Variants in SERPINB6 observed in about 807,000 individuals in gnomAD.
SERPINB6 encodes the protein serpin family B member 6, also known as serpin B6.
In SERPINB6, 16 loss-of-function variants were observed where a neutral mutation model predicts 26.1. That is an observed-to-expected ratio of 0.61 (90% CI 0.42 to 0.93). The LOEUF is 0.93. Ranked by LOEUF, SERPINB6 falls within the 40% of genes least tolerant of loss-of-function variation. The pLI is 0.00. For missense variants in SERPINB6, 420 were observed against 478.0 expected, an observed-to-expected ratio of 0.88 and a Z score of 1.13; for synonymous variants, 174 against 176.6, an observed-to-expected ratio of 0.99 and a Z score of 0.11.
rs1001274072 is a variant in SERPINB6, at chr6:2,948,224, C to G, written c.*74G>C. ...TGCCACCACTGCACGGATAAGGCCA[C>G]TTGGGTTGCAGGCACACTGTGGAGT... On this transcript the variant is annotated 3_prime_UTR_variant, in exon 7 of 7. Coordinates refer to ENST00000380539, the MANE Select transcript of SERPINB6 (RefSeq NM_004568.6). The surrounding 1 kb of genome is among the most constrained non-coding windows in gnomAD (Gnocchi z 5.0). 1 of 1,585,686 alleles carries G rather than the reference C, an allele frequency of 6.3e-7. No individual in the cohort carries two copies. The highest frequency in any genetic ancestry group is 8.6e-7 in the Non-Finnish European group (1 of 1,156,204).
intron 1 of SERPINB6, chr6:2,969,515 T>G (rs1472117172): frequency 3.0e-6 from 3 of 985,380 alleles, no homozygotes; most frequent in Non-Finnish European, 3.6e-6. Context: ...ATGTATTTTT[T>G]AAACAAGCCT....
chr6:2,960,428 GT>G (rs1770970733), intron 1 of SERPINB6: 2 of 152,374 alleles, frequency 1.3e-5, no homozygotes, highest in Admixed American at 1.3e-4. Flanking sequence ...CCCACAGGCA[GT>G]CAGGCTGGGA....
chr6:2,953,238 G>C (rs755035738), intron 4 of SERPINB6, 52 bp from the exon 5 acceptor site: 4 of 1,611,950 alleles, frequency 2.5e-6, no homozygotes, highest in African/African-American at 2.7e-5. Flanking sequence ...GCGGATCCCC[G>C]ACACATCAGG....
At chr6:2,970,641 CT>C in intron 1 of SERPINB6, 1 of 1,222,606 alleles carries the variant, frequency 8.2e-7, no homozygotes, top group Non-Finnish European at 1.0e-6. Context: ...CAGATGCCCC[CT>C]CGCATCTGAG....
At chr6:2,968,654 G>C (rs1384602118) in intron 1 of SERPINB6, 2 of 1,225,020 alleles carry the variant, frequency 1.6e-6, no homozygotes, top group Non-Finnish European at 2.0e-6. Flanking sequence ...TATGGTGGCT[G>C]GTGTTTGCTT....
intron 2 of SERPINB6, among the ~76,000 whole-genome samples, chr6:2,958,743 C>A (rs1200227030): frequency 6.6e-6 from 1 of 152,066 alleles, no homozygotes; most frequent in Non-Finnish European, 1.5e-5. Context: ...CAACAAATAA[C>A]CAGAACGCTA....
At position 2,953,004 on chromosome 6, in the gene SERPINB6, G is replaced by A. The variant is rs745907528; in HGVS notation, c.573+40C>T. 4 of 1,613,412 alleles carry A rather than the reference G, an allele frequency of 2.5e-6. No homozygotes were observed. The East Asian group carries it at 8.9e-5, about 36-fold the overall frequency. On this transcript the variant is annotated intron_variant, in intron 5 of 6. Coordinates refer to ENST00000380539, the MANE Select transcript of SERPINB6 (RefSeq NM_004568.6). ...GAGGCCCCGAGCCGGAGACGCTCGT[G>A]TGAACACAGGCGCTGCTCCTGTCAC...
In SERPINB6 at chr6:2,955,362, T is replaced by C. The variant is rs1770329662; in HGVS notation, c.312+162A>G. The C allele has an allele frequency of 9.9e-6, 8 of 804,314 alleles. No individual in the cohort carries two copies. The East Asian group carries it at 1.1e-4, about 11-fold the overall frequency. The allele number at this position is 804,314 out of a possible 1,614,324, so 49.8% of individuals were successfully genotyped here. A position where few individuals can be genotyped will look rare whatever the true frequency, so the allele number is the denominator to read the frequency against. The stretch of plus-strand genomic sequence containing the variant: ...AAAAGCGTGAAGTAGATCCACCTTA[T>C]TGAAATGCAGAGAATTTAAAACATA... On this transcript the variant is annotated intron_variant, in intron 3 of 6. Transcript: ENST00000380539.
intron 1 of SERPINB6, chr6:2,969,045 G>T (rs1224298666): frequency 4.3e-6 from 5 of 1,167,902 alleles, no homozygotes; most frequent in Non-Finnish European, 5.3e-6. Flanking sequence ...TTATCACTTC[G>T]CAATAATGCA....
At chr6:2,955,822 A>C (rs1581247973) in intron 2 of SERPINB6, 152 bp from the exon 3 acceptor site, 1 of 791,984 alleles carries the variant, frequency 1.3e-6, no homozygotes, top group East Asian at 2.8e-5. Flanking sequence ...CACGCCTATA[A>C]TCCCAGCACT....
Position 2,967,198 on chromosome 6 carries a change from C to G in SERPINB6, c.-11+4335G>C. 11 of 985,448 alleles carry G rather than the reference C, an allele frequency of 1.1e-5. No individual in the cohort carries two copies. The highest frequency in any genetic ancestry group is 1.3e-5 in the Non-Finnish European group (11 of 829,990). 61.0% of individuals were successfully genotyped at this position (985,448 alleles called of 1,614,324 possible). A position where few individuals can be genotyped will look rare whatever the true frequency, so the allele number is the denominator to read the frequency against. Reference sequence around the variant, plus strand: ...AGTTGGAGGGATCTGTTAACCTGCCCAGGGCACAACACCCACACACAAGTT... The same window carrying G: ...AGTTGGAGGGATCTGTTAACCTGCCGAGGGCACAACACCCACACACAAGTT... On this transcript the variant is annotated intron_variant, in intron 1 of 6. Transcript: ENST00000380539. The surrounding 1 kb of genome is among the most constrained non-coding windows in gnomAD (Gnocchi z 4.3).
chr6:2,970,729 A>AC, intron 1 of SERPINB6: 1 of 1,099,794 alleles, frequency 9.1e-7, no homozygotes, highest in Non-Finnish European at 1.1e-6. Context: ...TAGGACAAAA[A>AC]AAAAAAAAAA....
At chr6:2,963,177 T>C (rs1159073413) in intron 1 of SERPINB6, among the ~76,000 whole-genome samples, 1 of 152,098 alleles carries the variant, frequency 6.6e-6, no homozygotes, top group East Asian at 1.9e-4. Context: ...CAGACCCCAG[T>C]AGAAACACGT....
chr6:2,948,535 G>A lies in SERPINB6; in HGVS notation c.894C>T (p.Gly298=). The change falls in exon 7 of 7, where the codon GGC becomes GGT. Residue 298 remains glycine (G), a synonymous_variant. Transcript: ENST00000380539. The surrounding 1 kb of genome is among the most constrained non-coding windows in gnomAD (Gnocchi z 5.0). ...NLGMTDAFEL[G]KADFSGMSQT... ...GGGACATTCCAGAGAAGTCTGCCTT[G>A]CCCAGCTCGAAGGCATCAGTCATGC... 6.2e-7 allele frequency: 1 copy of A among 1,614,160 alleles called. No homozygotes were observed. The highest frequency in any genetic ancestry group is 1.6e-4 in the Middle Eastern group (1 of 6,062).
chr6:2,968,893 G>T (rs538016222), intron 1 of SERPINB6: 2 of 1,229,368 alleles, frequency 1.6e-6, no homozygotes, highest in Non-Finnish European at 2.0e-6. Context: ...AGAACTCTTC[G>T]GTGTGGCTAT....
chr6:2,970,301 A>T (rs1772023996), intron 1 of SERPINB6: 1 of 986,314 alleles, frequency 1.0e-6, no homozygotes. Context: ...AATTGGCCTT[A>T]ACTTAAAATA....
Position 2,948,184 on chromosome 6 carries a change from C to A in SERPINB6, c.*114G>T. The A allele has an allele frequency of 8.5e-7, 1 of 1,176,000 alleles. No individual in the cohort carries two copies. The highest frequency in any genetic ancestry group is 1.3e-6 in the Non-Finnish European group (1 of 788,466). 72.8% of individuals were successfully genotyped at this position (1,176,000 alleles called of 1,614,324 possible). On this transcript the variant is annotated 3_prime_UTR_variant, in exon 7 of 7. Transcript: ENST00000380539. The surrounding 1 kb of genome is among the most constrained non-coding windows in gnomAD (Gnocchi z 5.0). Reference sequence around the variant, plus strand: ...TGAATGCGGCATCCCACAAATGGGCCCTTTATTTCTGAACTGCCACCACTG... The same window carrying A: ...TGAATGCGGCATCCCACAAATGGGCACTTTATTTCTGAACTGCCACCACTG...
At chr6:2,969,034 A>G in intron 1 of SERPINB6, 2 of 1,193,384 alleles carry the variant, frequency 1.7e-6, no homozygotes, top group East Asian at 7.1e-5. Context: ...GAGCATTTTC[A>G]TTATCACTTC....
intron 1 of SERPINB6, chr6:2,963,972 A>G (rs1194969127): frequency 6.6e-6 from 1 of 152,214 alleles, no homozygotes; most frequent in African/African-American, 2.4e-5. Context: ...ATGTCACCCT[A>G]AAACACCAGG....
Sources: gnomAD v4.1 joint callset for allele counts (sites outside exome capture counted in the v4.1 genomes callset) on GRCh38, gnomAD v4.1.1 for gene constraint, Gnocchi (gnomAD v3.1) non-coding constraint, MANE v1.5 for transcripts, NCBI Gene and HGNC (gene_info 2026-07-23, HGNC 2026-07-21) for gene names.